The following SCFD1 variants were observed in gnomAD, a reference collection of about 807,000 sequenced individuals.
SCFD1 encodes the protein sec1 family domain-containing protein 1.
Under a neutral mutation model 103.2 loss-of-function variants are expected in SCFD1, and 37 were observed. The observed-to-expected ratio is 0.36, with a 90% CI of 0.28 to 0.47. The LOEUF (loss-of-function observed/expected upper bound fraction) is 0.47, where lower values mean the gene tolerates loss of function less well. Among genes scored for constraint, SCFD1 ranks in the 20% least tolerant of loss-of-function variants. The pLI is 1.00. For missense variants in SCFD1, 639 were observed against 761.2 expected, an observed-to-expected ratio of 0.84 and a Z score of 1.89; for synonymous variants, 264 against 245.0, an observed-to-expected ratio of 1.08 and a Z score of -0.73.
chr14:30,643,030 G>A (rs1213422977), intron 6 of SCFD1, among the ~76,000 whole-genome samples: 2 of 151,910 alleles, frequency 1.3e-5, no homozygotes, highest in Non-Finnish European at 2.9e-5. Context: ...TTAATTAGCC[G>A]GGCGTGGTGG....
chr14:30,708,157 C>A, intron 19 of SCFD1, 92 bp downstream of exon 19: 1 of 795,004 alleles, frequency 1.3e-6, no homozygotes, highest in Non-Finnish European at 2.1e-6. Flanking sequence ...TGGATTTATT[C>A]AAGTAATAAA....
intron 23 of SCFD1, among the ~76,000 whole-genome samples, chr14:30,723,761 G>A (rs1272316553): frequency 1.3e-5 from 2 of 152,152 alleles, no homozygotes; most frequent in Non-Finnish European, 2.9e-5. Context: ...GTATTCCATG[G>A]TATATATGTA....
chr14:30,652,831 T>C (rs962354686), intron 9 of SCFD1, among the ~76,000 whole-genome samples: 2 of 151,908 alleles, frequency 1.3e-5, no homozygotes, highest in Admixed American at 1.3e-4. Context: ...ATGTGGTTAG[T>C]TGCCCCGTCT....
chr14:30,647,144 G>A (rs1885916899), intron 7 of SCFD1, among the ~76,000 whole-genome samples: 1 of 151,962 alleles, frequency 6.6e-6, no homozygotes, highest in Admixed American at 6.6e-5. Flanking sequence ...GTGACTTTGT[G>A]CTTTACTATC....
intron 23 of SCFD1, among the ~76,000 whole-genome samples, chr14:30,731,425 T>G (rs1203454790): frequency 6.6e-6 from 1 of 152,234 alleles, no homozygotes; most frequent in Non-Finnish European, 1.5e-5. Flanking sequence ...GCATTGAATC[T>G]ATAAATTACC....
chr14:30,724,245 G>GTTTT lies in SCFD1; in HGVS notation c.1836+1710_1836+1713dup, dbSNP rs58612669. On this transcript the variant is annotated intron_variant, in intron 23 of 24. Transcript: ENST00000458591. ...ATGTCCTTTGCCCACTTTTTTATGG[G>GTTTT]TTTTTTTTTTTTTTTTTTTTTTTTT... Among the ~76,000 whole-genome samples the GTTTT allele has an allele frequency of 5.6e-3, 387 of 69,678 alleles. 39 individuals carry two copies. The highest frequency in any genetic ancestry group is 0.025 in the African/African-American group (359 of 14,592). 45.7% of individuals were successfully genotyped at this position (69,678 alleles called of 152,430 possible).
At chr14:30,668,952 G>T (rs546679267) in intron 10 of SCFD1, among the ~76,000 whole-genome samples, 22 of 152,284 alleles carry the variant, frequency 1.4e-4, no homozygotes, top group African/African-American at 5.1e-4. Flanking sequence ...CACTGTTGGT[G>T]GGAGTGTAGA....
intron 6 of SCFD1, among the ~76,000 whole-genome samples, chr14:30,642,169 C>T (rs1057171469): frequency 6.6e-6 from 1 of 152,110 alleles, no homozygotes; most frequent in African/African-American, 2.4e-5. Context: ...CTCACTGCAA[C>T]CTCTGTCTCC....
At chr14:30,639,927 A>C (rs1885102537) in intron 6 of SCFD1, 63 bp downstream of exon 6, 22 of 1,488,034 alleles carry the variant, frequency 1.5e-5, no homozygotes, top group Non-Finnish European at 1.9e-5. Context: ...CTGTAAGAAA[A>C]AAAGTGAATA....
chr14:30,727,449 G>T (rs1179759649), intron 23 of SCFD1, among the ~76,000 whole-genome samples: 1 of 152,074 alleles, frequency 6.6e-6, no homozygotes, highest in Non-Finnish European at 1.5e-5. Flanking sequence ...TTATCCTCAA[G>T]ATGTTGTTAT....
chr14:30,730,145 G>T (rs1216905560), intron 23 of SCFD1, among the ~76,000 whole-genome samples: 4 of 152,208 alleles, frequency 2.6e-5, no homozygotes, highest in Non-Finnish European at 4.4e-5. Context: ...TGCTGGGAAT[G>T]ATGGTTTCCA....
chr14:30,700,157 A>C, intron 15 of SCFD1, 31 bp from the exon 16 acceptor site: 1 of 1,491,242 alleles, frequency 6.7e-7, no homozygotes, highest in Non-Finnish European at 9.3e-7. Context: ...CAATTATGAA[A>C]ATATTTTTTA....
At chr14:30,628,862 T>C (rs940716760) in intron 2 of SCFD1, among the ~76,000 whole-genome samples, 2 of 152,184 alleles carry the variant, frequency 1.3e-5, no homozygotes, top group Non-Finnish European at 2.9e-5. Context: ...TGGTTAACAG[T>C]CTCTTTATAT....
chr14:30,622,993 T>C (rs765399850), intron 1 of SCFD1, among the ~76,000 whole-genome samples: 23 of 152,226 alleles, frequency 1.5e-4, no homozygotes, highest in Non-Finnish European at 1.9e-4. Context: ...TAAAATAATA[T>C]TTTATCTTCA....
intron 3 of SCFD1, among the ~76,000 whole-genome samples, chr14:30,631,368 T>A (rs933516735): frequency 3.3e-5 from 5 of 152,092 alleles, no homozygotes; most frequent in South Asian, 2.1e-4. Flanking sequence ...TTAAAAAAAA[T>A]TAATTAATTA....
rs952346042 is a variant in SCFD1, at chr14:30,698,124, A to C, written c.1340-2064A>C. ...ATCTTACTCTCAAAATTTCAGGGAG[A>C]ACAAAAGCTCTCCAAACTGTACTTA... On this transcript the variant is annotated intron_variant, in intron 15 of 24. Transcript: ENST00000458591. 4.6e-5 allele frequency among the ~76,000 whole-genome samples: 7 copies of C among 152,292 alleles called. No homozygotes were observed. In the East Asian group the frequency reaches 1.3e-3, roughly 29 times the overall value.
intron 14 of SCFD1, chr14:30,675,279 A>G (rs2139227281): frequency 2.7e-6 from 1 of 364,172 alleles, no homozygotes; most frequent in East Asian, 4.5e-5. Context: ...TGTTTAGTAA[A>G]TAGAAGTGGG....
At chr14:30,647,970 G>A (rs979798442) in intron 7 of SCFD1, among the ~76,000 whole-genome samples, 7 of 152,196 alleles carry the variant, frequency 4.6e-5, no homozygotes. Context: ...TTTTTCAAAG[G>A]AGAAATTGAA....
At chr14:30,677,619 A>C (rs1889128578) in intron 14 of SCFD1, among the ~76,000 whole-genome samples, 1 of 131,498 alleles carries the variant, frequency 7.6e-6, no homozygotes. Context: ...TCCTAGTTAC[A>C]GAATTTCTTA....
Sources: allele counts gnomAD v4.1 joint callset (sites outside exome capture counted in the v4.1 genomes callset), GRCh38; gene constraint gnomAD v4.1.1; transcripts MANE v1.5; gene names NCBI Gene and HGNC (gene_info 2026-07-23, HGNC 2026-07-21).